The following KANK1 variants were observed in gnomAD, a reference collection of about 807,000 sequenced individuals.
KANK1 encodes the protein KN motif and ankyrin repeat domain-containing protein 1.
A neutral mutation model predicts 106.2 loss-of-function variants in KANK1; 109 were observed. The observed-to-expected ratio is 1.03, with a 90% CI of 0.88 to 1.20. The LOEUF is 1.20. Ranked by LOEUF, KANK1 falls within the 50% of genes most tolerant of loss-of-function variation. The probability of loss-of-function intolerance (pLI) is 0.00; values close to 1 mark genes in which losing one functional copy is unlikely to be tolerated. For synonymous variants in KANK1, 873 were observed against 652.2 expected, an observed-to-expected ratio of 1.34 and a Z score of -5.16; for missense variants, 2,399 against 1,710.7, an observed-to-expected ratio of 1.40 and a Z score of -7.10.
intron 3 of KANK1, among the ~76,000 whole-genome samples, chr9:476,202 C>T (rs1046881253): frequency 3.3e-5 from 5 of 151,406 alleles, no homozygotes; most frequent in Admixed American, 3.3e-4. Context: ...GCCTGCTCCA[C>T]AGTATTAGCC....
chr9:631,106 G>A (rs778948850), intron 1 of KANK1, among the ~76,000 whole-genome samples: 1 of 152,114 alleles, frequency 6.6e-6, no homozygotes, highest in Non-Finnish European at 1.5e-5. Context: ...TGCTGTTATT[G>A]TTGTTTCTGT....
intron 3 of KANK1, among the ~76,000 whole-genome samples, chr9:723,504 T>TG (rs113202734): frequency 0.12 from 18,347 of 152,014 alleles, 2,906 homozygotes; most frequent in African/African-American, 0.36. Context: ...CTGGGTCCTG[T>TG]GTCCTAGCTA....
chr9:512,888 A>G (rs2059097640), intron 1 of KANK1, among the ~76,000 whole-genome samples: 2 of 152,084 alleles, frequency 1.3e-5, no homozygotes, highest in Admixed American at 1.3e-4. Context: ...TAGATATCTT[A>G]TTATTTTTGC....
chr9:705,590 T>C (rs1823881732), intron 2 of KANK1, among the ~76,000 whole-genome samples: 1 of 150,474 alleles, frequency 6.6e-6, no homozygotes, highest in Non-Finnish European at 1.5e-5. Flanking sequence ...AAAAAATGTA[T>C]ATTTTTTTTG....
intron 3 of KANK1, among the ~76,000 whole-genome samples, chr9:494,620 A>T (rs1193319975): frequency 6.6e-6 from 1 of 152,150 alleles, no homozygotes; most frequent in African/African-American, 2.4e-5. Context: ...CTGCCATGTC[A>T]TGGGCAGCAC....
chr9:686,814 A>G, intron 2 of KANK1: 5 of 985,350 alleles, frequency 5.1e-6, no homozygotes, highest in South Asian at 4.7e-5. Context: ...TCTCTGAGGA[A>G]CATGCTAGGA....
rs73372903 is a variant in KANK1, at chr9:680,625, G to C, written c.37+3616G>C. Among the ~76,000 whole-genome samples, 1,134 of 152,256 alleles carry C rather than the reference G, an allele frequency of 7.4e-3. 18 individuals are homozygous for C. Among genetic ancestry groups the C allele is most frequent in the African/African-American group, 0.026 (1,077 of 41,534 alleles). On this transcript the variant is annotated intron_variant, in intron 2 of 11. Coordinates refer to ENST00000382297, the MANE Select transcript of KANK1 (RefSeq NM_015158.5). ...ACTGGGGATACAGCAGTGAACCAAA[G>C]AGGCAAAAATTTCTGCCCTCAAGGA... is the stretch of plus-strand genomic sequence containing the variant.
At position 728,757 on chromosome 9, in the gene KANK1, A is replaced by G. The variant is rs574691448; in HGVS notation, c.2699-1294A>G. Among the ~76,000 whole-genome samples the G allele has an allele frequency of 6.6e-5, 10 of 152,304 alleles. No homozygotes were observed. The South Asian group carries it at 1.2e-3, about 19-fold the overall frequency. On this transcript the variant is annotated intron_variant, in intron 3 of 11. Transcript: ENST00000382297. The stretch of plus-strand genomic sequence containing the variant: ...AGAACCTTGGTCTTCACAACCCCTT[A>G]TCTTAACCCAGACACTCCTTTCTGT...
chr9:481,643 C>G (rs1363441066), intron 3 of KANK1, among the ~76,000 whole-genome samples: 8 of 152,104 alleles, frequency 5.3e-5, no homozygotes, highest in Admixed American at 2.6e-4. Context: ...GCATTTCTAA[C>G]TTTGATCTAG....
chr9:648,374 C>G (rs914964170), intron 1 of KANK1, among the ~76,000 whole-genome samples: 1 of 152,080 alleles, frequency 6.6e-6, no homozygotes, highest in Non-Finnish European at 1.5e-5. Context: ...ATAGGATCAT[C>G]TCAACATATT....
At chr9:567,075 C>G (rs1817989387) in intron 1 of KANK1, among the ~76,000 whole-genome samples, 1 of 152,160 alleles carries the variant, frequency 6.6e-6, no homozygotes, top group African/African-American at 2.4e-5. Context: ...AGCCAGTTAT[C>G]ACAGCACCAT....
intron 1 of KANK1, among the ~76,000 whole-genome samples, chr9:543,996 A>G (rs2060774061): frequency 6.6e-6 from 1 of 151,580 alleles, no homozygotes; most frequent in South Asian, 2.1e-4. Flanking sequence ...ATAACATTTC[A>G]TGTTCTATTT....
intron 5 of KANK1, chr9:731,617 C>G (rs1022933340): frequency 1.9e-5 from 3 of 158,994 alleles, no homozygotes; most frequent in African/African-American, 7.2e-5. Flanking sequence ...AGACTGAGAG[C>G]ATCACTCTCT....
intron 1 of KANK1, among the ~76,000 whole-genome samples, chr9:555,769 A>G (rs1228941656): frequency 6.6e-6 from 1 of 152,232 alleles, no homozygotes; most frequent in African/African-American, 2.4e-5. Flanking sequence ...TTCCTAGTAC[A>G]TACGTGTTTT....
In KANK1 at chr9:648,702, C is replaced by G. The variant is rs139237803; in HGVS notation, c.-83-28188C>G. Among the ~76,000 whole-genome samples the G allele has an allele frequency of 2.7e-3, 413 of 152,250 alleles. 6 individuals carry two copies. The highest frequency in any genetic ancestry group is 9.9e-3 in the African/African-American group (411 of 41,536). On this transcript the variant is annotated intron_variant, in intron 1 of 11. Coordinates refer to ENST00000382297, the MANE Select transcript of KANK1 (RefSeq NM_015158.5). ...AAGGGGAGCTCACGTCTTTGAGCTT[C>G]AATTTCTTTATCTGTTGCGGGGGAG...
intron 3 of KANK1, among the ~76,000 whole-genome samples, chr9:488,085 A>G (rs1026385831): frequency 1.3e-5 from 2 of 152,178 alleles, no homozygotes; most frequent in Non-Finnish European, 2.9e-5. Context: ...TATTCATTCT[A>G]TGAGGAGATG....
chr9:630,580 C>T (rs988293487), intron 1 of KANK1, among the ~76,000 whole-genome samples: 5 of 151,842 alleles, frequency 3.3e-5, no homozygotes, highest in Non-Finnish European at 7.4e-5. Flanking sequence ...AGAGTAGCTT[C>T]GTTTCAGGTG....
intron 3 of KANK1, among the ~76,000 whole-genome samples, chr9:499,623 T>C: frequency 6.6e-6 from 1 of 152,130 alleles, no homozygotes; most frequent in East Asian, 1.9e-4. Flanking sequence ...AAGAGGACTC[T>C]GGAAAGGACA....
chr9:713,303 G>C lies in KANK1; in HGVS notation c.2537G>C (p.Ser846Thr), dbSNP rs1020444846. ...EQQTLLAENYSELAEAFGEPH... is the reference protein window; with the variant it reads ...EQQTLLAENYTELAEAFGEPH... ...CAGACACTGCTGGCTGAGAACTACA[G>C]TGAACTGGCAGAAGCTTTCGGGGAA... The change falls in exon 3 of 12, where the codon AGT becomes ACT. Residue 846 changes from serine (S) to threonine (T), a missense_variant. Transcript: ENST00000382297. 6.2e-7 allele frequency: 1 copy of C among 1,614,194 alleles called. No individual in the cohort carries two copies. Among genetic ancestry groups the C allele is most frequent in the Non-Finnish European group, 8.5e-7 (1 of 1,180,028 alleles).
Sources: allele counts gnomAD v4.1 joint callset (sites outside exome capture counted in the v4.1 genomes callset), GRCh38; gene constraint gnomAD v4.1.1; transcripts MANE v1.5; gene names NCBI Gene and HGNC (gene_info 2026-07-23, HGNC 2026-07-21).